The following VPS13B variants were observed in gnomAD, a reference collection of about 807,000 sequenced individuals.
The protein encoded by VPS13B is vacuolar protein sorting 13 homolog B.
A neutral mutation model predicts 426.4 loss-of-function variants in VPS13B; 285 were observed. That is an observed-to-expected ratio of 0.67 (90% CI 0.61 to 0.74). The LOEUF is 0.74. VPS13B is among the 30% of genes least tolerant of loss of function. VPS13B has a pLI of 0.00. For synonymous variants in VPS13B, 1,676 were observed against 1,676.4 expected (o/e 1.00, Z 0.01); for missense variants, 4,537 against 4,782.6 (o/e 0.95, Z 1.51).
rs1035355542 is a variant in VPS13B, at chr8:99,163,037, G to A, written c.2208+6294G>A. 2.8e-4 allele frequency among the ~76,000 whole-genome samples: 43 copies of A among 152,026 alleles called. 1 individual carries two copies. In the East Asian group the frequency reaches 3.3e-3, roughly 12 times the overall value. The stretch of plus-strand genomic sequence containing the variant: ...AGGTTCTCCAAGGCCCCACCAGAGC[G>A]GCTAGATACAGAGTGTCAATTGGTG... On this transcript the variant is annotated intron_variant, in intron 15 of 61. Coordinates refer to ENST00000357162, the MANE Select transcript of VPS13B (RefSeq NM_152564.5).
intron 2 of VPS13B, among the ~76,000 whole-genome samples, chr8:99,026,288 TG>T (rs1842131706): frequency 6.6e-6 from 1 of 152,220 alleles, no homozygotes; most frequent in South Asian, 2.1e-4. Context: ...TTAATTTTCG[TG>T]TATTTGTACA....
intron 19 of VPS13B, among the ~76,000 whole-genome samples, chr8:99,351,433 A>AGTGTGTGTGTGT (rs1170377671): frequency 1.2e-4 from 17 of 143,890 alleles, no homozygotes; most frequent in African/African-American, 4.1e-4. Flanking sequence ...AGAGAGAGAG[A>AGTGTGTGTGTGT]GAGTGTGTGT....
chr8:99,113,978 A>G (rs1847517052), intron 6 of VPS13B, among the ~76,000 whole-genome samples: 1 of 152,020 alleles, frequency 6.6e-6, no homozygotes, highest in Admixed American at 6.6e-5. Flanking sequence ...TCTGGTGATT[A>G]TGATGTTTAT....
chr8:99,571,543 A>G (rs572705178), intron 31 of VPS13B, among the ~76,000 whole-genome samples: 1 of 152,304 alleles, frequency 6.6e-6, no homozygotes, highest in African/African-American at 2.4e-5. Context: ...AATTTATCAC[A>G]TGATGGAGAG....
intron 17 of VPS13B, among the ~76,000 whole-genome samples, chr8:99,230,437 A>G (rs1333318193): frequency 1.3e-5 from 2 of 152,190 alleles, no homozygotes. Context: ...CCCATAGGAA[A>G]TTTTAGATCT....
At chr8:99,145,376 C>T (rs1588085464) in intron 13 of VPS13B, among the ~76,000 whole-genome samples, 1 of 152,060 alleles carries the variant, frequency 6.6e-6, no homozygotes, top group East Asian at 1.9e-4. Context: ...GTGTTCACTA[C>T]CATGGTCAAG....
Position 99,870,899 on chromosome 8 carries a change from G to C in VPS13B, c.11495+12G>C. The C allele has an allele frequency of 3.1e-6, 5 of 1,612,128 alleles. No individual in the cohort carries two copies. Among genetic ancestry groups the C allele is most frequent in the Non-Finnish European group, 4.2e-6 (5 of 1,178,250 alleles). ...GTCAAATATGTCTGGTAAAATTATT[G>C]AGATACGTGCTCAACTTTACATCCA... is the stretch of plus-strand genomic sequence containing the variant. On this transcript the variant is annotated intron_variant, in intron 60 of 61. Coordinates refer to ENST00000357162, the MANE Select transcript of VPS13B (RefSeq NM_152564.5).
chr8:99,573,581 G>T (rs1273027934), intron 31 of VPS13B, among the ~76,000 whole-genome samples: 1 of 152,100 alleles, frequency 6.6e-6, no homozygotes, highest in Non-Finnish European at 1.5e-5. Flanking sequence ...TCTTGTTTTT[G>T]TCAGGTTTGT....
At chr8:99,258,838 G>A (rs1817896577) in intron 17 of VPS13B, among the ~76,000 whole-genome samples, 2 of 151,994 alleles carry the variant, frequency 1.3e-5, no homozygotes, top group Admixed American at 6.6e-5. Flanking sequence ...TTCAGGTGAA[G>A]AAACTGGGCC....
intron 21 of VPS13B, among the ~76,000 whole-genome samples, chr8:99,405,874 G>A (rs1815301473): frequency 6.6e-6 from 1 of 151,454 alleles, no homozygotes; most frequent in South Asian, 2.1e-4. Flanking sequence ...CCACCTCCCA[G>A]TTTCAAGCGA....
At chr8:99,852,164 C>T (rs539530074) in intron 55 of VPS13B, among the ~76,000 whole-genome samples, 2 of 152,256 alleles carry the variant, frequency 1.3e-5, no homozygotes, top group African/African-American at 4.8e-5. Context: ...CTGCCATTAA[C>T]TAAGATGAGA....
chr8:99,044,080 C>CT (rs1334044601), intron 3 of VPS13B, among the ~76,000 whole-genome samples: 13 of 85,404 alleles, frequency 1.5e-4, no homozygotes, highest in South Asian at 5.5e-4. Context: ...TTTTTTCTTT[C>CT]TTTCTTTTTT....
chr8:99,768,704 CTAG>C (rs1225328837), intron 40 of VPS13B, among the ~76,000 whole-genome samples: 5 of 152,056 alleles, frequency 3.3e-5, no homozygotes, highest in Admixed American at 3.3e-4. Context: ...AACAGTTTAG[CTAG>C]TATTGTAGAA....
intron 17 of VPS13B, chr8:99,233,759 T>C (rs569941220): frequency 4.1e-5 from 32 of 779,648 alleles, no homozygotes; most frequent in African/African-American, 3.0e-4. Flanking sequence ...TTTCTTCACA[T>C]TTCTGCCTTC....
intron 19 of VPS13B, among the ~76,000 whole-genome samples, chr8:99,281,648 G>A (rs1402637619): frequency 6.6e-6 from 1 of 152,204 alleles, no homozygotes; most frequent in Non-Finnish European, 1.5e-5. Flanking sequence ...GTTGCTCCCT[G>A]TGCGATAAGT....
At chr8:99,793,614 C>T (rs1812670200) in intron 43 of VPS13B, among the ~76,000 whole-genome samples, 1 of 152,052 alleles carries the variant, frequency 6.6e-6, no homozygotes, top group African/African-American at 2.4e-5. Flanking sequence ...TCTGAGATTT[C>T]AGACTTAGGT....
intron 8 of VPS13B, among the ~76,000 whole-genome samples, chr8:99,128,417 AAAAAAAAAAAT>A: frequency 6.7e-6 from 1 of 149,336 alleles, no homozygotes; most frequent in African/African-American, 2.5e-5. Flanking sequence ...AAAAAAAAAA[AAAAAAAAAAAT>A]TTGTTGTTTC....
chr8:99,581,032 A>ACACAG, intron 33 of VPS13B, among the ~76,000 whole-genome samples: 1 of 72,476 alleles, frequency 1.4e-5, no homozygotes, highest in East Asian at 4.4e-4. Flanking sequence ...CACACACACA[A>ACACAG]ATTAGGCAGG....
At chr8:99,453,867 G>A (rs539724677) in intron 23 of VPS13B, among the ~76,000 whole-genome samples, 6 of 152,130 alleles carry the variant, frequency 3.9e-5, no homozygotes, top group African/African-American at 7.2e-5. Flanking sequence ...ACAGGGATAC[G>A]TAATTGTCAC....
Sources: allele counts gnomAD v4.1 joint callset (sites outside exome capture counted in the v4.1 genomes callset), GRCh38; gene constraint gnomAD v4.1.1; transcripts MANE v1.5; gene names NCBI Gene and HGNC (gene_info 2026-07-23, HGNC 2026-07-21).